Variants in AHCTF1 observed in about 807,000 individuals in gnomAD.
AHCTF1 encodes the protein protein ELYS.
A neutral mutation model predicts 248.4 loss-of-function variants in AHCTF1; 24 were observed. The ratio of observed to expected loss-of-function variants is 0.10; its 90% CI spans 0.07 to 0.14. AHCTF1 has a LOEUF of 0.14. Among genes scored for constraint, AHCTF1 ranks in the 10% least tolerant of loss-of-function variants. The pLI is 1.00. For synonymous variants in AHCTF1, 786 were observed against 929.8 expected (o/e 0.85, Z 2.81); for missense variants, 2,206 against 2,636.2 (o/e 0.84, Z 3.57).
intron 15 of AHCTF1, 43 bp downstream of exon 15, chr1:246,891,736 T>C (rs1210106129): frequency 6.3e-7 from 1 of 1,593,396 alleles, no homozygotes; most frequent in African/African-American, 1.4e-5. Context: ...AGTCAAGAAG[T>C]AAAATTTAAT....
At position 246,849,842 on chromosome 1, in the gene AHCTF1, T is replaced by G; in HGVS notation, c.6164A>C (p.Gln2055Pro). Residue 2055 changes from glutamine (Q) to proline (P), a missense_variant, in exon 33 of 36, where the codon CAA becomes CCA. This residue lies in a region of AHCTF1 where 469 missense variants were observed against 470.0 expected (regional missense o/e 1.00). Transcript: ENST00000648844. Reference protein sequence around the residue: ...KKKLTKKTESQSQKRSLHSVS... With the variant: ...KKKLTKKTESPSQKRSLHSVS... The stretch of plus-strand genomic sequence containing the variant: ...TGAGTGCAATGAACGTTTTTGGCTT[T>G]GACTTTCAGTCTTTTTTGTAAGTTT... The G allele has an allele frequency of 6.2e-7, 1 of 1,613,974 alleles. No individual in the cohort carries two copies. Among genetic ancestry groups the G allele is most frequent in the Non-Finnish European group, 8.5e-7 (1 of 1,179,844 alleles).
chr1:246,875,598 G>A (rs943925899), intron 24 of AHCTF1, among the ~76,000 whole-genome samples: 6 of 152,202 alleles, frequency 3.9e-5, no homozygotes, highest in African/African-American at 1.4e-4. Flanking sequence ...CAACTTCACT[G>A]TGTCATCGTA....
At chr1:246,848,110 C>T (rs12239497) in intron 33 of AHCTF1, among the ~76,000 whole-genome samples, 5,495 of 152,138 alleles carry the variant, frequency 0.036, 332 homozygotes, top group African/African-American at 0.13. Flanking sequence ...TTCTGAGTGA[C>T]GAGGGGAGAG....
intron 15 of AHCTF1, among the ~76,000 whole-genome samples, chr1:246,891,493 T>TA (rs1215713166): frequency 1.3e-5 from 2 of 152,164 alleles, no homozygotes; most frequent in Non-Finnish European, 2.9e-5. Context: ...GTTCTTTGAA[T>TA]AAAAAATACA....
chr1:246,844,320 G>A (rs912140941), intron 33 of AHCTF1, among the ~76,000 whole-genome samples: 6 of 152,274 alleles, frequency 3.9e-5, no homozygotes, highest in East Asian at 1.9e-4. Context: ...TTGCAGAGAC[G>A]TTATTTACAA....
At chr1:246,931,149 T>G (rs1260361824) in intron 1 of AHCTF1, 13 of 1,550,054 alleles carry the variant, frequency 8.4e-6, no homozygotes, top group East Asian at 2.4e-5. Context: ...CCCAAGCGCA[T>G]GTGGAACACA....
At position 246,903,932 on chromosome 1, in the gene AHCTF1, G is replaced by A; in HGVS notation, c.966+17C>T. On this transcript the variant is annotated intron_variant, in intron 7 of 35. Transcript: ENST00000648844. ...AACAAAATGGTAATATAAACCCATAGTCCAATGACCATTTACCTCATATAA... is the reference window on the plus strand; with the variant it reads ...AACAAAATGGTAATATAAACCCATAATCCAATGACCATTTACCTCATATAA... The A allele has an allele frequency of 6.3e-7, 1 of 1,584,102 alleles. No homozygotes were observed. Among genetic ancestry groups the A allele is most frequent in the Non-Finnish European group, 8.7e-7 (1 of 1,153,446 alleles).
chr1:246,930,087 A>G (rs903728400), intron 1 of AHCTF1, among the ~76,000 whole-genome samples: 1 of 152,116 alleles, frequency 6.6e-6, no homozygotes, highest in East Asian at 1.9e-4. Context: ...CCTATGAAAA[A>G]GGAGAAGCAT....
chr1:246,917,584 A>C (rs1442230351), intron 2 of AHCTF1, among the ~76,000 whole-genome samples: 1 of 152,232 alleles, frequency 6.6e-6, no homozygotes, highest in Non-Finnish European at 1.5e-5. Flanking sequence ...AAGTCATCGT[A>C]CAATGCCTGG....
In AHCTF1 at chr1:246,931,242, T is replaced by C. The variant is rs756952978; in HGVS notation, c.-8+336A>G. The C allele has an allele frequency of 2.0e-5, 31 of 1,549,522 alleles. No homozygotes were observed. The East Asian group carries it at 6.9e-4, about 34-fold the overall frequency. ...ACGAGTCCATCGCGTGGGAGAACAGTGGGAAAGGGTCGCGGCCCCGGCCGT... is the reference window on the plus strand; with the variant it reads ...ACGAGTCCATCGCGTGGGAGAACAGCGGGAAAGGGTCGCGGCCCCGGCCGT... On this transcript the variant is annotated intron_variant, in intron 1 of 35. Coordinates refer to ENST00000648844, the MANE Select transcript of AHCTF1 (RefSeq NM_001323342.2).
At chr1:246,899,996 C>T (rs1222656894) in intron 10 of AHCTF1, 69 bp downstream of exon 10, 8 of 1,426,532 alleles carry the variant, frequency 5.6e-6, no homozygotes, top group Middle Eastern at 2.5e-4. Flanking sequence ...GAATAAACTA[C>T]ACAACGTATA....
intron 26 of AHCTF1, chr1:246,864,435 T>A: frequency 4.5e-6 from 1 of 222,094 alleles, no homozygotes. Flanking sequence ...TGCCAATGAT[T>A]TAAAATACTA....
intron 32 of AHCTF1, chr1:246,851,774 G>C (rs1010846117): frequency 1.0e-5 from 2 of 198,248 alleles, no homozygotes; most frequent in Admixed American, 5.5e-5. Flanking sequence ...TCTCACCCAA[G>C]AAAAAAAATT....
At chr1:246,858,149 C>T (rs751449296) in intron 29 of AHCTF1, among the ~76,000 whole-genome samples, 4 of 151,876 alleles carry the variant, frequency 2.6e-5, no homozygotes, top group South Asian at 2.1e-4. Flanking sequence ...TTAGTAGAGA[C>T]GGGGTTTCAC....
chr1:246,925,076 T>C (rs902710802), intron 1 of AHCTF1, among the ~76,000 whole-genome samples: 12 of 152,220 alleles, frequency 7.9e-5, no homozygotes, highest in Non-Finnish European at 1.5e-5. Context: ...GACAGCCTTT[T>C]ATATAGCTTG....
At chr1:246,857,510 T>C (rs1333260746) in intron 30 of AHCTF1, among the ~76,000 whole-genome samples, 181 bp downstream of exon 30, 2 of 152,212 alleles carry the variant, frequency 1.3e-5, no homozygotes, top group African/African-American at 4.8e-5. Context: ...CGAAACTTTA[T>C]AGTAACTACT....
At chr1:246,906,202 C>G (rs1195215225) in intron 5 of AHCTF1, among the ~76,000 whole-genome samples, 1 of 151,952 alleles carries the variant, frequency 6.6e-6, no homozygotes, top group African/African-American at 2.4e-5. Flanking sequence ...AAAAATTGAC[C>G]AAGAGATGAT....
chr1:246,907,128 T>A (rs934428939), intron 5 of AHCTF1, among the ~76,000 whole-genome samples: 2 of 152,222 alleles, frequency 1.3e-5, no homozygotes, highest in African/African-American at 4.8e-5. Context: ...TACTAACCTG[T>A]ACAGCATGTT....
intron 4 of AHCTF1, among the ~76,000 whole-genome samples, chr1:246,912,103 T>C (rs1176104919): frequency 6.6e-6 from 1 of 152,130 alleles, no homozygotes; most frequent in East Asian, 1.9e-4. Flanking sequence ...ATAAACTACA[T>C]AAAATGTTGA....
Sources: allele counts gnomAD v4.1 joint callset (sites outside exome capture counted in the v4.1 genomes callset), GRCh38; gene constraint gnomAD v4.1.1; regional missense constraint gnomAD v4.1.1; transcripts MANE v1.5; gene names NCBI Gene and HGNC (gene_info 2026-07-23, HGNC 2026-07-21).